LEMD1: variants seen among roughly 807,000 people sequenced by gnomAD.
The protein encoded by LEMD1 is LEM domain-containing protein 1.
LEMD1 carries 18 observed loss-of-function variants against 17.4 expected under a neutral mutation model. The ratio of observed to expected loss-of-function variants is 1.04; its 90% CI spans 0.72 to 1.54. LEMD1 has a LOEUF of 1.54. LEMD1 is among the 40% of genes most tolerant of loss of function. The pLI, the probability that LEMD1 is intolerant of heterozygous loss-of-function variation, is 0.00. For synonymous variants in LEMD1, 88 were observed against 77.8 expected, an observed-to-expected ratio of 1.13 and a Z score of -0.69; for missense variants, 195 against 210.4, an observed-to-expected ratio of 0.93 and a Z score of 0.45.
chr1:205,442,483 T>C (rs548922047), intron 1 of LEMD1, among the ~76,000 whole-genome samples: 119 of 152,282 alleles, frequency 7.8e-4, no homozygotes, highest in African/African-American at 2.6e-3. Context: ...TTCGTGTTTC[T>C]CCAGACAGAG....
At chr1:205,399,112 G>A (rs957549929) in intron 4 of LEMD1, among the ~76,000 whole-genome samples, 33 of 152,132 alleles carry the variant, frequency 2.2e-4, no homozygotes, top group Non-Finnish European at 1.3e-4. Context: ...CTACTCGGGA[G>A]GTTGAGGCAG....
At chr1:205,429,316 A>C (rs1403327375) in intron 1 of LEMD1, among the ~76,000 whole-genome samples, 2 of 152,218 alleles carry the variant, frequency 1.3e-5, no homozygotes, top group Non-Finnish European at 2.9e-5. Flanking sequence ...TATGATATCC[A>C]CGCTGGTGGT....
Position 205,415,393 on chromosome 1 carries a change from A to G in LEMD1, c.270+839T>C, listed in dbSNP as rs375207847. ...AGGGGGTGAGGGAATCACACTGAGC[A>G]GAGGCTGAAGGAGGAGGTCTCAGGC... On this transcript the variant is annotated intron_variant, in intron 4 of 5. Coordinates refer to ENST00000367153, the MANE Select transcript of LEMD1 (RefSeq NM_001199050.2). 3.7e-4 allele frequency among the ~76,000 whole-genome samples: 56 copies of G among 152,276 alleles called. No homozygotes were observed. In the South Asian group the frequency reaches 0.011, roughly 30 times the overall value.
Position 205,381,436 on chromosome 1 carries a change from T to C in LEMD1, c.*222A>G. The stretch of plus-strand genomic sequence containing the variant: ...CACCTTTAATGAGAGTTGACATGAC[T>C]TGGGGGATTTCCTAACCATCATGCT... On this transcript the variant is annotated 3_prime_UTR_variant, in exon 6 of 6. Coordinates refer to ENST00000367153, the MANE Select transcript of LEMD1 (RefSeq NM_001199050.2). The C allele has an allele frequency of 1.7e-6, 1 of 576,014 alleles. No homozygotes were observed. The allele number at this position is 576,014 out of a possible 1,614,324, so 35.7% of individuals were successfully genotyped here.
At position 205,411,662 on chromosome 1, in the gene LEMD1, GAAAGAAAGA is replaced by G. The variant is rs1026809153; in HGVS notation, c.270+4561_270+4569del. Among the ~76,000 whole-genome samples, 128 of 135,610 alleles carry G rather than the reference GAAAGAAAGA, an allele frequency of 9.4e-4. 2 individuals carry two copies. The East Asian group carries it at 0.027, about 29-fold the overall frequency. 89.0% of individuals were successfully genotyped at this position (135,610 alleles called of 152,430 possible). A position where few individuals can be genotyped will look rare whatever the true frequency, so the allele number is the denominator to read the frequency against. On this transcript the variant is annotated intron_variant, in intron 4 of 5. Transcript: ENST00000367153. Reference sequence around the variant, plus strand: ...GGAAAAGAGAAAGAAAGGAAAGAAAGAAAGAAAGAAAAGAAAGAAAGAAAGAAAGAAAGA... The same window carrying G: ...GGAAAAGAGAAAGAAAGGAAAGAAAGAAAGAAAGAAAGAAAGAAAGAAAGA...
chr1:205,413,700 T>C (rs1333876019), intron 4 of LEMD1, among the ~76,000 whole-genome samples: 2 of 147,554 alleles, frequency 1.4e-5, no homozygotes, highest in African/African-American at 2.5e-5. Context: ...TCACCCAAGC[T>C]GGAGTGTAGC....
chr1:205,385,685 C>G (rs1293988001), intron 4 of LEMD1: 1 of 152,260 alleles, frequency 6.6e-6, no homozygotes, highest in Non-Finnish European at 1.5e-5. Flanking sequence ...ATCAGACCAT[C>G]TGTTGGATCT....
At chr1:205,424,463 G>A (rs888591797), upstream of LEMD1, among the ~76,000 whole-genome samples, 1 of 152,218 alleles carries the variant, frequency 6.6e-6, no homozygotes, top group Non-Finnish European at 1.5e-5. Context: ...TAGGGGTTAT[G>A]CTTGGCCTAA....
rs1666435561 is a variant in LEMD1, at chr1:205,448,184, C to T, written c.-39+1684G>A. 2.3e-6 allele frequency: 1 copy of T among 434,712 alleles called. No homozygotes were observed. The highest frequency in any genetic ancestry group is 2.5e-5 in the Admixed American group (1 of 40,356). The allele number at this position is 434,712 out of a possible 1,614,324, so 26.9% of individuals were successfully genotyped here. A position where few individuals can be genotyped will look rare whatever the true frequency, so the allele number is the denominator to read the frequency against. On this transcript the variant is annotated intron_variant, in intron 1 of 3. Transcript: ENST00000367154. This position sits in a 1 kb window ranked among gnomAD's most constrained non-coding sequence, Gnocchi z 4.7. ...CTGGGCCAAGGTCACACGGCTTAGC[C>T]CCGATCCCAGGTTACCAGATCCCGT...
At chr1:205,412,456 T>A (rs567471457) in intron 4 of LEMD1, among the ~76,000 whole-genome samples, 11 of 152,260 alleles carry the variant, frequency 7.2e-5, no homozygotes, top group Admixed American at 2.0e-4. Context: ...ATATTCCATA[T>A]CTCTAAGTGG....
intron 1 of LEMD1, among the ~76,000 whole-genome samples, chr1:205,446,166 A>G (rs1666384511): frequency 6.6e-6 from 1 of 152,254 alleles, no homozygotes; most frequent in Non-Finnish European, 1.5e-5. Flanking sequence ...TATTCAATGC[A>G]ATTGAACAAT....
intron 1 of LEMD1, among the ~76,000 whole-genome samples, chr1:205,421,537 A>G (rs1228846784): frequency 6.6e-6 from 1 of 152,212 alleles, no homozygotes; most frequent in Non-Finnish European, 1.5e-5. Context: ...TATACAAGCT[A>G]GAAAAAGTCA....
At chr1:205,435,145 A>T (rs919007571) in intron 1 of LEMD1, 2 of 152,204 alleles carry the variant, frequency 1.3e-5, no homozygotes, top group African/African-American at 4.8e-5. Flanking sequence ...TACAGAATTA[A>T]TCCAGACCTG....
chr1:205,394,258 T>C (rs1664481549), intron 4 of LEMD1, among the ~76,000 whole-genome samples: 1 of 152,088 alleles, frequency 6.6e-6, no homozygotes, highest in African/African-American at 2.4e-5. Context: ...TGGGTATTGG[T>C]TTTATTTTAG....
chr1:205,423,498 A>C (rs1177005722), upstream of LEMD1, among the ~76,000 whole-genome samples: 2 of 152,246 alleles, frequency 1.3e-5, no homozygotes, highest in East Asian at 3.8e-4. Flanking sequence ...ACATTTCTAA[A>C]ATATTTTCTT....
intron 4 of LEMD1, among the ~76,000 whole-genome samples, chr1:205,407,342 A>G (rs960420495): frequency 6.6e-6 from 1 of 151,822 alleles, no homozygotes; most frequent in African/African-American, 2.4e-5. Context: ...AAAAAAAAAA[A>G]AAAAAAAGGA....
chr1:205,443,345 A>G (rs896748594), intron 1 of LEMD1, among the ~76,000 whole-genome samples: 10 of 151,958 alleles, frequency 6.6e-5, no homozygotes, highest in Admixed American at 6.6e-4. Flanking sequence ...GTTCTTTCTT[A>G]AAAACAGCAG....
At chr1:205,410,118 T>A (rs1359429347) in intron 4 of LEMD1, among the ~76,000 whole-genome samples, 1 of 150,860 alleles carries the variant, frequency 6.6e-6, no homozygotes, top group Admixed American at 6.6e-5. Context: ...GATGGGTTCT[T>A]GTCATGTTGC....
At chr1:205,438,823 C>T (rs1369627545) in intron 1 of LEMD1, among the ~76,000 whole-genome samples, 1 of 152,082 alleles carries the variant, frequency 6.6e-6, no homozygotes, top group Non-Finnish European at 1.5e-5. Flanking sequence ...GGAGTTCTCC[C>T]GGGGGAGGAA....
Sources: allele counts gnomAD v4.1 joint callset (sites outside exome capture counted in the v4.1 genomes callset), GRCh38; gene constraint gnomAD v4.1.1; non-coding constraint Gnocchi (gnomAD v3.1); transcripts MANE v1.5; gene names NCBI Gene and HGNC (gene_info 2026-07-23, HGNC 2026-07-21).